Variants in PRR5L observed in about 807,000 individuals in gnomAD.
PRR5L encodes the protein proline rich 5 like.
PRR5L carries 21 observed loss-of-function variants against 36.4 expected under a neutral mutation model. The observed-to-expected ratio is 0.58, with a 90% CI of 0.41 to 0.83. PRR5L has a LOEUF of 0.83. PRR5L is among the 40% of genes least tolerant of loss of function. The pLI is 0.00. For missense variants in PRR5L, 381 were observed against 473.3 expected (o/e 0.80, Z 1.81); for synonymous variants, 188 against 197.0 (o/e 0.95, Z 0.38).
intron 1 of PRR5L, among the ~76,000 whole-genome samples, chr11:36,355,247 A>G (rs903175705): frequency 6.6e-6 from 1 of 152,206 alleles, no homozygotes; most frequent in African/African-American, 2.4e-5. Flanking sequence ...AGCCTAAACT[A>G]ACATTTCTAT....
intron 1 of PRR5L, among the ~76,000 whole-genome samples, chr11:36,373,351 G>C (rs1303635256): frequency 6.6e-6 from 1 of 152,124 alleles, no homozygotes; most frequent in Non-Finnish European, 1.5e-5. Flanking sequence ...GTAGAATTTT[G>C]GTTAGAATTT....
At chr11:36,442,030 G>A (rs1414632175) in intron 6 of PRR5L, among the ~76,000 whole-genome samples, 1 of 152,102 alleles carries the variant, frequency 6.6e-6, no homozygotes, top group Non-Finnish European at 1.5e-5. Flanking sequence ...CCTGTAATGG[G>A]AGGGACTGTC....
chr11:36,346,022 C>T (rs1323057762), intron 1 of PRR5L, among the ~76,000 whole-genome samples: 3 of 152,160 alleles, frequency 2.0e-5, no homozygotes, highest in Non-Finnish European at 4.4e-5. Context: ...AGCCCCTTGG[C>T]TCTCTTCATT....
At chr11:36,343,906 T>G (rs11033563) in intron 1 of PRR5L, among the ~76,000 whole-genome samples, 1 of 66,958 alleles carries the variant, frequency 1.5e-5, no homozygotes, top group Non-Finnish European at 3.5e-5. Context: ...TTTTATGTTG[T>G]TTTTTTTTTT....
intron 1 of PRR5L, among the ~76,000 whole-genome samples, chr11:36,336,698 T>C (rs928730569): frequency 2.0e-5 from 3 of 152,150 alleles, no homozygotes; most frequent in Non-Finnish European, 2.9e-5. Flanking sequence ...GAAAAGCATG[T>C]ATTTTTCTAA....
chr11:36,424,662 G>T (rs1011123150), intron 4 of PRR5L, among the ~76,000 whole-genome samples: 9 of 152,334 alleles, frequency 5.9e-5, no homozygotes, highest in South Asian at 4.1e-4. Flanking sequence ...GATAATGGTA[G>T]TGACGGCTAA....
chr11:36,387,012 C>G (rs385300), intron 1 of PRR5L, among the ~76,000 whole-genome samples: 109,577 of 152,004 alleles, frequency 0.72, 39,735 homozygotes, highest in East Asian at 0.8. Context: ...GGCGCAGGGG[C>G]AGGCGTGGGG....
chr11:36,399,306 A>G (rs1857737984), intron 1 of PRR5L, among the ~76,000 whole-genome samples: 1 of 152,226 alleles, frequency 6.6e-6, no homozygotes, highest in Non-Finnish European at 1.5e-5. Flanking sequence ...CCTTAAAAGA[A>G]AAAAGTTAAG....
intron 4 of PRR5L, among the ~76,000 whole-genome samples, chr11:36,422,957 C>T (rs949745406): frequency 2.0e-5 from 3 of 151,954 alleles, no homozygotes; most frequent in Non-Finnish European, 2.9e-5. Context: ...CTGGATTTTC[C>T]TATTTACCTC....
intron 1 of PRR5L, among the ~76,000 whole-genome samples, chr11:36,332,975 A>G (rs1225132863): frequency 6.6e-6 from 1 of 152,022 alleles, no homozygotes; most frequent in Admixed American, 6.6e-5. Context: ...TAAACCATTC[A>G]TTTTTCTCCA....
chr11:36,361,386 G>A (rs1030843849), intron 1 of PRR5L, among the ~76,000 whole-genome samples: 25 of 152,134 alleles, frequency 1.6e-4, no homozygotes, highest in Admixed American at 2.0e-4. Flanking sequence ...CATTACTTAT[G>A]TTAATTTGTA....
Position 36,401,603 on chromosome 11 carries a change from A to AT in PRR5L, c.164+327dup, listed in dbSNP as rs201126792. Among the ~76,000 whole-genome samples the AT allele has an allele frequency of 9.7e-3, 1,459 of 150,946 alleles. 20 individuals carry two copies. Among genetic ancestry groups the AT allele is most frequent in the African/African-American group, 0.03 (1,225 of 40,930 alleles). ...CCACACCCAGCTAATTAAAAAAGCA[A>AT]TTTTTTTTTAAAGAGATGGGGTCTC... On this transcript the variant is annotated intron_variant, in intron 2 of 8. Transcript: ENST00000530639.
At chr11:36,379,443 C>G (rs545315285) in intron 1 of PRR5L, 38 of 152,322 alleles carry the variant, frequency 2.5e-4, no homozygotes, top group Admixed American at 2.0e-3. Context: ...AAGATCCTTA[C>G]AATGTCTAAT....
chr11:36,392,047 A>G (rs1000383944), intron 1 of PRR5L, among the ~76,000 whole-genome samples: 1 of 152,194 alleles, frequency 6.6e-6, no homozygotes, highest in African/African-American at 2.4e-5. Flanking sequence ...AGCTACCACA[A>G]ATAAATGAGA....
intron 4 of PRR5L, among the ~76,000 whole-genome samples, chr11:36,430,426 C>G (rs1016292972): frequency 1.3e-5 from 2 of 152,114 alleles, no homozygotes; most frequent in African/African-American, 4.8e-5. Context: ...GAAAGAACTA[C>G]CTGATGACCA....
intron 1 of PRR5L, among the ~76,000 whole-genome samples, chr11:36,325,169 C>T (rs1042498721): frequency 6.6e-6 from 1 of 152,166 alleles, no homozygotes; most frequent in Non-Finnish European, 1.5e-5. Context: ...CCATGGGTCA[C>T]GGAAGAGAAC....
At chr11:36,458,660 G>C (rs1280686961) in intron 8 of PRR5L, among the ~76,000 whole-genome samples, 1 of 152,236 alleles carries the variant, frequency 6.6e-6, no homozygotes, top group African/African-American at 2.4e-5. Flanking sequence ...CCTTCCAGGA[G>C]CATTGGCTCT....
chr11:36,423,028 T>C (rs748759290), intron 4 of PRR5L, among the ~76,000 whole-genome samples: 1 of 152,252 alleles, frequency 6.6e-6, no homozygotes, highest in African/African-American at 2.4e-5. Context: ...TCTGCTATTC[T>C]GTATCTACTG....
chr11:36,344,873 A>T lies in PRR5L; in HGVS notation c.-126+48435A>T, dbSNP rs1334525859. On this transcript the variant is annotated intron_variant, in intron 1 of 8. Coordinates refer to ENST00000530639, the MANE Select transcript of PRR5L (RefSeq NM_001160167.2). The surrounding 1 kb of genome is among the most constrained non-coding windows in gnomAD (Gnocchi z 4.1). ...CATGGAGCTCCTCCTTGACTATTGA[A>T]TTTGGCATTTTTGAAGCATTTTTGC... Among the ~76,000 whole-genome samples the T allele has an allele frequency of 1.3e-5, 2 of 152,160 alleles. No individual in the cohort carries two copies. Among genetic ancestry groups the T allele is most frequent in the African/African-American group, 4.8e-5 (2 of 41,432 alleles).
Sources: allele counts gnomAD v4.1 joint callset (sites outside exome capture counted in the v4.1 genomes callset), GRCh38; gene constraint gnomAD v4.1.1; non-coding constraint Gnocchi (gnomAD v3.1); transcripts MANE v1.5; gene names NCBI Gene and HGNC (gene_info 2026-07-23, HGNC 2026-07-21).